The following NCR1 variants were observed in gnomAD, a reference collection of about 807,000 sequenced individuals.
NCR1 encodes the protein natural cytotoxicity triggering receptor 1, also known as NK cell-activating receptor.
In NCR1, 30 loss-of-function variants were observed where a neutral mutation model predicts 32.5. The ratio of observed to expected loss-of-function variants is 0.92; its 90% CI spans 0.69 to 1.25. NCR1 has a LOEUF of 1.25. Ranked by LOEUF, NCR1 falls within the 50% of genes most tolerant of loss-of-function variation. The pLI is 0.00. For missense variants in NCR1, 369 were observed against 380.7 expected, an observed-to-expected ratio of 0.97 and a Z score of 0.26; for synonymous variants, 169 against 143.4, an observed-to-expected ratio of 1.18 and a Z score of -1.28.
chr19:54,929,298 G>A, the NCR1 span, among the ~76,000 whole-genome samples: 7 of 152,088 alleles, frequency 4.6e-5, no homozygotes, highest in African/African-American at 1.4e-4. Context: ...CTTGGAGGCT[G>A]AGGTTGCAGT....
chr19:54,925,987 C>A, the NCR1 span, among the ~76,000 whole-genome samples: 1 of 150,868 alleles, frequency 6.6e-6, no homozygotes, highest in Non-Finnish European at 1.5e-5. Context: ...GCGACAGAGA[C>A]TGGAGTCTCT....
downstream of NCR1, among the ~76,000 whole-genome samples, chr19:54,913,575 T>C (rs1295197351): frequency 6.6e-6 from 1 of 152,174 alleles, no homozygotes; most frequent in Non-Finnish European, 1.5e-5. Context: ...CAATATAGAA[T>C]AGGTCTGTAT....
At chr19:54,933,718 T>G in the NCR1 span, 2 of 1,614,214 alleles carry the variant, frequency 1.2e-6, no homozygotes, top group East Asian at 2.2e-5. Context: ...AACTGGCTTC[T>G]GTAAGACGAC....
In NCR1 at chr19:54,906,154, C is replaced by T. The variant is rs1202534212; in HGVS notation, c.-34C>T. On this transcript the variant is annotated 5_prime_UTR_variant, in exon 1 of 7. Transcript: ENST00000291890. The stretch of plus-strand genomic sequence containing the variant: ...TCCCTGGCCCGCCCGGCTCAGTCCC[C>T]ACTGCTCAGCACTAGGCCGGCAGAA... 1.9e-6 allele frequency: 3 copies of T among 1,613,926 alleles called. No homozygotes were observed. The highest frequency in any genetic ancestry group is 1.7e-5 in the Admixed American group (1 of 59,990).
the NCR1 span, chr19:54,923,785 A>G: frequency 6.2e-7 from 1 of 1,614,064 alleles, no homozygotes; most frequent in Non-Finnish European, 8.5e-7. Flanking sequence ...CCCCGGAAGC[A>G]TTGCAATCAA....
chr19:54,901,456 C>T (rs1209896552), upstream of NCR1, among the ~76,000 whole-genome samples: 1 of 149,124 alleles, frequency 6.7e-6, no homozygotes, highest in Non-Finnish European at 1.5e-5. Flanking sequence ...TCATCTCAAA[C>T]ATGGCTTAGA....
At chr19:54,900,973 A>G in the NCR1 span, among the ~76,000 whole-genome samples, 1 of 152,122 alleles carries the variant, frequency 6.6e-6, no homozygotes, top group East Asian at 1.9e-4. Flanking sequence ...TTATATCTCA[A>G]TAAAGTTATA....
chr19:54,927,569 CA>C, the NCR1 span: 1 of 1,532,382 alleles, frequency 6.5e-7, no homozygotes, highest in South Asian at 1.2e-5. Context: ...AAAACAAAAA[CA>C]AAAAACAAAA....
At chr19:54,917,942 C>A (rs1456518693), downstream of NCR1, among the ~76,000 whole-genome samples, 3 of 152,078 alleles carry the variant, frequency 2.0e-5, no homozygotes, top group Non-Finnish European at 4.4e-5. Context: ...GGCTATTTTT[C>A]TTTCTTATTG....
At chr19:54,921,060 A>G (rs2068235495), downstream of NCR1, among the ~76,000 whole-genome samples, 1 of 152,322 alleles carries the variant, frequency 6.6e-6, no homozygotes, top group South Asian at 2.1e-4. Flanking sequence ...GGGGAAAAAA[A>G]CTTCAATTAA....
upstream of NCR1, chr19:54,906,093 C>T: frequency 3.4e-6 from 5 of 1,485,054 alleles, no homozygotes; most frequent in African/African-American, 1.4e-5. Context: ...TGGTGATGGG[C>T]GCTGGTGCTC....
chr19:54,938,193 A>G, the NCR1 span: 4 of 1,614,120 alleles, frequency 2.5e-6, no homozygotes, highest in Non-Finnish European at 3.4e-6. Context: ...AGAGGCGAAG[A>G]GAGCGAAGAT....
chr19:54,916,316 G>GTTTTTTTTTTTTTTTTTTT (rs2068130459), downstream of NCR1, among the ~76,000 whole-genome samples: 3 of 84,542 alleles, frequency 3.5e-5, no homozygotes, highest in African/African-American at 4.7e-5. Context: ...TGAATATTGT[G>GTTTTTTTTTTTTTTTTTTT]CTTTTTTTTT....
chr19:54,936,757 AT>A, the NCR1 span, among the ~76,000 whole-genome samples: 1 of 152,110 alleles, frequency 6.6e-6, no homozygotes, highest in Non-Finnish European at 1.5e-5. Context: ...TCTACTAAAA[AT>A]ACAAAAATTA....
chr19:54,912,818 A>C lies in NCR1; in HGVS notation c.862A>C (p.Ser288Arg). ...LSRKRTRERA[S>R]RASTWEGRRR... Reference sequence around the variant, plus strand: ...CAGGAAGAGGACTAGAGAGCGAGCCAGCAGAGCTTCCACTTGGGAAGGCAG... The same window carrying C: ...CAGGAAGAGGACTAGAGAGCGAGCCCGCAGAGCTTCCACTTGGGAAGGCAG... Residue 288 changes from serine (S) to arginine (R), a missense_variant, in exon 7 of 7, where the codon AGC becomes CGC. Coordinates refer to ENST00000291890, the MANE Select transcript of NCR1 (RefSeq NM_004829.7). The C allele has an allele frequency of 6.2e-7, 1 of 1,613,742 alleles. No individual in the cohort carries two copies. Among genetic ancestry groups the C allele is most frequent in the South Asian group, 1.1e-5 (1 of 91,078 alleles).
At position 54,910,024 on chromosome 19, in the gene NCR1, T is replaced by C. The variant is rs770083321; in HGVS notation, c.641T>C (p.Ile214Thr). The change falls in exon 5 of 7, where the codon ATT (isoleucine) becomes ACT (threonine). Residue 214 changes from isoleucine to threonine, a missense_variant. Coordinates refer to ENST00000291890, the MANE Select transcript of NCR1 (RefSeq NM_004829.7). ...TCTTTATCTCCTTTTCCAGGCGACATTGAGAACACCAGCCTTGCACCTGAA... is the reference window on the plus strand; with the variant it reads ...TCTTTATCTCCTTTTCCAGGCGACACTGAGAACACCAGCCTTGCACCTGAA... ...EPVKLLVTGD[I>T]ENTSLAPEDP... The C allele has an allele frequency of 5.0e-6, 8 of 1,613,064 alleles. No individual in the cohort carries two copies. The highest frequency in any genetic ancestry group is 2.2e-5 in the East Asian group (1 of 44,836).
intron 4 of NCR1, 132 bp from the exon 5 acceptor site, chr19:54,909,886 G>A: frequency 1.4e-6 from 1 of 710,238 alleles, no homozygotes; most frequent in Non-Finnish European, 2.2e-6. Context: ...AGTGAACCGA[G>A]ATCATACCAC....
the NCR1 span, among the ~76,000 whole-genome samples, chr19:54,925,609 C>T: frequency 6.6e-6 from 1 of 152,044 alleles, no homozygotes; most frequent in African/African-American, 2.4e-5. Flanking sequence ...AGTTTGAGAA[C>T]CTCGGCAACA....
At chr19:54,916,556 C>T (rs182369939), downstream of NCR1, among the ~76,000 whole-genome samples, 30 of 151,678 alleles carry the variant, frequency 2.0e-4, no homozygotes, top group Non-Finnish European at 4.3e-4. Flanking sequence ...GTGATCCACC[C>T]GCCTTGGCCT....
Sources: allele counts gnomAD v4.1 joint callset (sites outside exome capture counted in the v4.1 genomes callset), GRCh38; gene constraint gnomAD v4.1.1; transcripts MANE v1.5; gene names NCBI Gene and HGNC (gene_info 2026-07-23, HGNC 2026-07-21).